Variants in PIGZ observed in about 807,000 individuals in gnomAD.
The protein encoded by PIGZ is phosphatidylinositol glycan anchor biosynthesis class Z (Gwada blood group).
A neutral mutation model predicts 16.4 loss-of-function variants in PIGZ; 16 were observed. The ratio of observed to expected loss-of-function variants is 0.97; its 90% CI spans 0.66 to 1.48. The LOEUF (loss-of-function observed/expected upper bound fraction) is 1.48, where lower values mean the gene tolerates loss of function less well. PIGZ is among the 40% of genes most tolerant of loss of function. PIGZ has a pLI of 0.00. For missense variants in PIGZ, 770 were observed against 739.2 expected, an observed-to-expected ratio of 1.04 and a Z score of -0.48; for synonymous variants, 409 against 338.4, an observed-to-expected ratio of 1.21 and a Z score of -2.29.
chr3:196,961,146 T>A (rs1409915949), intron 1 of PIGZ, among the ~76,000 whole-genome samples: 1 of 152,212 alleles, frequency 6.6e-6, no homozygotes, highest in African/African-American at 2.4e-5. Context: ...GACAGGCGGC[T>A]GTGGTGGTTG....
At chr3:196,960,111 G>A (rs1309138982) in intron 1 of PIGZ, among the ~76,000 whole-genome samples, 1 of 152,218 alleles carries the variant, frequency 6.6e-6, no homozygotes, top group East Asian at 1.9e-4. Context: ...ACAAAACCCA[G>A]CTAAGTTCTA....
At position 196,948,046 on chromosome 3, in the gene PIGZ, G is replaced by A. The variant is rs763023329; in HGVS notation, c.851C>T (p.Ala284Val). The A allele has an allele frequency of 9.4e-6, 15 of 1,589,470 alleles. No individual in the cohort carries two copies. The highest frequency in any genetic ancestry group is 4.5e-5 in the East Asian group (2 of 44,480). Residue 284 changes from alanine to valine, a missense_variant, in exon 3 of 3, where the codon GCT becomes GTT. Ala to Val is a moderately conservative substitution (Grantham distance 64). Coordinates refer to ENST00000412723, the MANE Select transcript of PIGZ (RefSeq NM_025163.4). ...TGTCAGGACAAGGTTCCTGGATGTA[G>A]CGGGGCTGGAGAAATACCAGCTGTC... is the stretch of plus-strand genomic sequence containing the variant. The part of the protein sequence containing the change: ...ATDSWYFSSP[A>V]TSRNLVLTPV...
intron 1 of PIGZ, among the ~76,000 whole-genome samples, chr3:196,960,737 G>GAAAGAA (rs772698961): frequency 4.3e-5 from 6 of 140,502 alleles, no homozygotes; most frequent in East Asian, 2.1e-4. Flanking sequence ...AAGAAAGAAA[G>GAAAGAA]AGAAAGAAAG....
At position 196,948,022 on chromosome 3, in the gene PIGZ, G is replaced by A. The variant is rs778622925; in HGVS notation, c.875C>T (p.Thr292Ile). The A allele has an allele frequency of 2.5e-6, 4 of 1,595,674 alleles. No homozygotes were observed. Among genetic ancestry groups the A allele is most frequent in the Admixed American group, 1.7e-5 (1 of 58,820 alleles). ...SPATSRNLVLTPVNFLHYNLN... is the reference protein window; with the variant it reads ...SPATSRNLVLIPVNFLHYNLN... ...GTTGTAGTGCAAGAAGTTGACAGGT[G>A]TCAGGACAAGGTTCCTGGATGTAGC... Residue 292 changes from threonine to isoleucine, a missense_variant, in exon 3 of 3, where the codon ACA becomes ATA. Physicochemically the swap from Thr to Ile is moderately conservative, Grantham distance 89 (BLOSUM62 -1). Transcript: ENST00000412723.
Position 196,947,996 on chromosome 3 carries a change from G to A in PIGZ, c.901C>T (p.Leu301=), listed in dbSNP as rs1245409333. The A allele has an allele frequency of 6.2e-7, 1 of 1,603,216 alleles. No homozygotes were observed. The highest frequency in any genetic ancestry group is 1.7e-5 in the Admixed American group (1 of 59,264). ...TGTCTCGCCAGGTTTTGGGGATTCA[G>A]GTTGTAGTGCAAGAAGTTGACAGGT... ...LTPVNFLHYN[L]NPQNLARHGT... Residue 301 remains leucine (L), a synonymous_variant, in exon 3 of 3, where the codon CTG becomes TTG. Transcript: ENST00000412723.
chr3:196,948,053 T>C lies in PIGZ; in HGVS notation c.844A>G (p.Ser282Gly), dbSNP rs935092087. ...FVATDSWYFS[S>G]PATSRNLVLT... ...ACAAGGTTCCTGGATGTAGCGGGGC[T>C]GGAGAAATACCAGCTGTCCGTGGCC... The change falls in exon 3 of 3, where the codon AGC becomes GGC. Residue 282 changes from serine (S) to glycine (G), a missense_variant. By Grantham distance (56) the Ser-to-Gly change is moderately conservative. Transcript: ENST00000412723. The C allele has an allele frequency of 6.3e-7, 1 of 1,588,970 alleles. No individual in the cohort carries two copies. Among genetic ancestry groups the C allele is most frequent in the Non-Finnish European group, 8.6e-7 (1 of 1,164,748 alleles).
At chr3:196,967,848 G>A (rs1033379614) in intron 1 of PIGZ, among the ~76,000 whole-genome samples, 1 of 152,212 alleles carries the variant, frequency 6.6e-6, no homozygotes, top group African/African-American at 2.4e-5. Flanking sequence ...TCATCAAGGA[G>A]GGCGCACCAT....
At chr3:196,961,922 T>C (rs1717736949) in intron 1 of PIGZ, among the ~76,000 whole-genome samples, 1 of 152,184 alleles carries the variant, frequency 6.6e-6, no homozygotes, top group South Asian at 2.1e-4. Flanking sequence ...CCCCATATCA[T>C]TTAGTTATCA....
chr3:196,955,830 C>T (rs112369583), intron 1 of PIGZ, among the ~76,000 whole-genome samples: 2 of 152,118 alleles, frequency 1.3e-5, no homozygotes, highest in African/African-American at 4.8e-5. Flanking sequence ...CTGCCCACCT[C>T]AGCCTCCCAA....
chr3:196,952,062 G>A (rs369002470), intron 1 of PIGZ, 31 bp from the exon 2 acceptor site: 59 of 1,575,778 alleles, frequency 3.7e-5, no homozygotes, highest in African/African-American at 3.4e-4. Context: ...TGGTTATCAC[G>A]ATGTAAATTA....
At position 196,948,526 on chromosome 3, in the gene PIGZ, G is replaced by T; in HGVS notation, c.371C>A (p.Ala124Glu). The T allele has an allele frequency of 3.1e-6, 5 of 1,610,638 alleles. No homozygotes were observed. Among genetic ancestry groups the T allele is most frequent in the Non-Finnish European group, 4.2e-6 (5 of 1,178,542 alleles). Residue 124 changes from alanine to glutamate, a missense_variant, in exon 3 of 3, where the codon GCG becomes GAG. Coordinates refer to ENST00000412723, the MANE Select transcript of PIGZ (RefSeq NM_025163.4). ...GPWPGLVSGYALLVGPRLLLT... is the reference protein window; with the variant it reads ...GPWPGLVSGYELLVGPRLLLT... ...GAGGAGTCGAGGCCCCACCAGCAGCGCATAGCCGCTCACCAGGCCAGGCCA... is the reference window on the plus strand; with the variant it reads ...GAGGAGTCGAGGCCCCACCAGCAGCTCATAGCCGCTCACCAGGCCAGGCCA...
intron 1 of PIGZ, among the ~76,000 whole-genome samples, chr3:196,963,871 T>C (rs1717815341): frequency 6.6e-6 from 1 of 152,208 alleles, no homozygotes; most frequent in Non-Finnish European, 1.5e-5. Context: ...GTCTTCAATG[T>C]CCTCCATATA....
At chr3:196,967,663 C>T (rs932616521) in intron 1 of PIGZ, among the ~76,000 whole-genome samples, 13 of 152,188 alleles carry the variant, frequency 8.5e-5, no homozygotes, top group Non-Finnish European at 1.9e-4. Flanking sequence ...TCACTTTGAC[C>T]CTGAGCGCTG....
chr3:196,947,289 G>T lies in PIGZ; in HGVS notation c.1608C>A (p.Phe536Leu). The change falls in exon 3 of 3, where the codon TTC becomes TTA. Residue 536 changes from phenylalanine (F) to leucine (L), a missense_variant. Physicochemically the swap from Phe to Leu is conservative, Grantham distance 22 (BLOSUM62 0). Coordinates refer to ENST00000412723, the MANE Select transcript of PIGZ (RefSeq NM_025163.4). ...ATAAAAGTGTTTCATTCTTGAAGGG[G>T]AAGCTGCACTTCTCCACGGCACGCC... is the stretch of plus-strand genomic sequence containing the variant. ...TTRRAVEKCSFPFKNETLLFP... is the reference protein window; with the variant it reads ...TTRRAVEKCSLPFKNETLLFP... 1 of 1,614,176 alleles carries T rather than the reference G, an allele frequency of 6.2e-7. No individual in the cohort carries two copies. Among genetic ancestry groups the T allele is most frequent in the South Asian group, 1.1e-5 (1 of 91,070 alleles).
chr3:196,952,996 G>A (rs1316760671), intron 1 of PIGZ, among the ~76,000 whole-genome samples: 1 of 152,148 alleles, frequency 6.6e-6, no homozygotes, highest in Non-Finnish European at 1.5e-5. Context: ...CTAGGACTGG[G>A]AGTTACACTG....
Position 196,947,838 on chromosome 3 carries a change from G to A in PIGZ, c.1059C>T (p.Leu353=). 6.2e-7 allele frequency: 1 copy of A among 1,612,440 alleles called. No individual in the cohort carries two copies. The change falls in exon 3 of 3, where the codon CTC becomes CTT. Residue 353 remains leucine, a synonymous_variant. Transcript: ENST00000412723. The stretch of plus-strand genomic sequence containing the variant: ...GGCTCCGGGCACCCAGTGCCCTCAG[G>A]AGGCCCATTTGTGCAGAGGCCTGGA... ...VGLQASAQMG[L]LRALGARSLL...
chr3:196,952,139 T>C, intron 1 of PIGZ, 108 bp from the exon 2 acceptor site: 1 of 1,038,752 alleles, frequency 9.6e-7, no homozygotes, highest in Admixed American at 2.1e-5. Flanking sequence ...ACAATAATAA[T>C]AATAGCTACT....
At position 196,948,525 on chromosome 3, in the gene PIGZ, C is replaced by A; in HGVS notation, c.372G>T (p.Ala124=). ...GPWPGLVSGY[A]LLVGPRLLLT... is the part of the protein sequence containing the mutation. Reference sequence around the variant, plus strand: ...GGAGGAGTCGAGGCCCCACCAGCAGCGCATAGCCGCTCACCAGGCCAGGCC... The same window carrying A: ...GGAGGAGTCGAGGCCCCACCAGCAGAGCATAGCCGCTCACCAGGCCAGGCC... Residue 124 remains alanine, a synonymous_variant, in exon 3 of 3, where the codon GCG becomes GCT. Transcript: ENST00000412723. 6.2e-7 allele frequency: 1 copy of A among 1,610,960 alleles called. No individual in the cohort carries two copies. Among genetic ancestry groups the A allele is most frequent in the Admixed American group, 1.7e-5 (1 of 59,640 alleles).
Position 196,961,681 on chromosome 3 carries a change from C to T in PIGZ, c.-1+7006G>A, listed in dbSNP as rs117640311. ...GCTTCTCAGGTCAGCCTTGATGCTG[C>T]CTTTCTCTTTGTGTGGACATAATCC... On this transcript the variant is annotated intron_variant, in intron 1 of 2. Coordinates refer to ENST00000412723, the MANE Select transcript of PIGZ (RefSeq NM_025163.4). Among the ~76,000 whole-genome samples, 297 of 152,312 alleles carry T rather than the reference C, an allele frequency of 1.9e-3. 6 individuals carry two copies. In the East Asian group the frequency reaches 0.052, roughly 27 times the overall value.
Sources: gnomAD v4.1 joint callset for allele counts (sites outside exome capture counted in the v4.1 genomes callset) on GRCh38, gnomAD v4.1.1 for gene constraint, MANE v1.5 for transcripts, NCBI Gene and HGNC (gene_info 2026-07-23, HGNC 2026-07-21) for gene names.